LMBR1: variants seen among roughly 807,000 people sequenced by gnomAD.
LMBR1 encodes the protein limb development membrane protein 1.
Under a neutral mutation model 73.9 loss-of-function variants are expected in LMBR1, and 52 were observed. The observed-to-expected ratio is 0.70, with a 90% confidence interval of 0.56 to 0.89. The LOEUF (loss-of-function observed/expected upper bound fraction) is 0.89. Among genes scored for constraint, LMBR1 ranks in the 40% least tolerant of loss-of-function variants. The probability of loss-of-function intolerance (pLI) is 0.00; values close to 1 mark genes in which losing one functional copy is unlikely to be tolerated. For synonymous variants in LMBR1, 215 were observed against 209.4 expected, an observed-to-expected ratio of 1.03 and a Z score of -0.23; for missense variants, 539 against 579.8, an observed-to-expected ratio of 0.93 and a Z score of 0.72.
intron 1 of LMBR1, among the ~76,000 whole-genome samples, chr7:156,876,459 G>A (rs1235908945): frequency 6.6e-6 from 1 of 152,004 alleles, no homozygotes; most frequent in Non-Finnish European, 1.5e-5. Context: ...CTATACCCTG[G>A]AACAAATGGA....
At chr7:156,708,232 C>A (rs1195602917) in intron 15 of LMBR1, among the ~76,000 whole-genome samples, 2 of 152,020 alleles carry the variant, frequency 1.3e-5, no homozygotes, top group Non-Finnish European at 2.9e-5. Context: ...GTAGGATGTA[C>A]CAGGAAAACA....
At chr7:156,892,676 G>C (rs1195523372) in intron 1 of LMBR1, 1 of 346,186 alleles carries the variant, frequency 2.9e-6, no homozygotes, top group Non-Finnish European at 5.2e-6. Context: ...AGCGCGAGGG[G>C]GCAGGGGAGG....
At chr7:156,692,615 G>C (rs1389876900) in intron 15 of LMBR1, among the ~76,000 whole-genome samples, 4 of 152,154 alleles carry the variant, frequency 2.6e-5, no homozygotes, top group Admixed American at 2.6e-4. Flanking sequence ...AACAAGGTGG[G>C]CCCTATGATT....
chr7:156,881,244 A>T (rs1156304496), intron 1 of LMBR1, among the ~76,000 whole-genome samples: 2 of 152,240 alleles, frequency 1.3e-5, no homozygotes, highest in Non-Finnish European at 2.9e-5. Context: ...CAACGGGGAA[A>T]GAAAAATGTC....
At chr7:156,710,195 G>A (rs758612770) in intron 15 of LMBR1, among the ~76,000 whole-genome samples, 152 of 151,940 alleles carry the variant, frequency 1.0e-3, no homozygotes, top group Non-Finnish European at 1.9e-3. Flanking sequence ...ATGAGCCACC[G>A]TGCCCGGCCC....
At chr7:156,677,494 G>A (rs961997993), downstream of LMBR1, among the ~76,000 whole-genome samples, 11 of 152,144 alleles carry the variant, frequency 7.2e-5, no homozygotes. Context: ...GGAGGGGCAG[G>A]AGGACATTGT....
chr7:156,788,829 C>T (rs1275623982), intron 5 of LMBR1, among the ~76,000 whole-genome samples: 2 of 152,126 alleles, frequency 1.3e-5, no homozygotes, highest in Non-Finnish European at 2.9e-5. Context: ...AGGTGGATCA[C>T]CTGAGGTCAG....
At chr7:156,673,580 C>T (rs980530386), downstream of LMBR1, among the ~76,000 whole-genome samples, 4 of 152,168 alleles carry the variant, frequency 2.6e-5, no homozygotes, top group African/African-American at 7.2e-5. Context: ...ACCAGGCTTC[C>T]AAGTACGGCT....
At chr7:156,687,954 G>A in intron 16 of LMBR1, 76 bp downstream of exon 16, 1 of 1,315,478 alleles carries the variant, frequency 7.6e-7, no homozygotes. Flanking sequence ...CTAAATAGCT[G>A]AAGATGTAAT....
chr7:156,754,032 A>G (rs998435723), intron 9 of LMBR1, among the ~76,000 whole-genome samples: 1 of 152,184 alleles, frequency 6.6e-6, no homozygotes, highest in Non-Finnish European at 1.5e-5. Context: ...CATCTACACA[A>G]TATCTAGTGC....
At chr7:156,749,039 T>C (rs1445049472) in intron 9 of LMBR1, among the ~76,000 whole-genome samples, 1 of 152,210 alleles carries the variant, frequency 6.6e-6, no homozygotes, top group African/African-American at 2.4e-5. Context: ...TTTCTGACCA[T>C]TTCAGATCCT....
chr7:156,877,743 C>G (rs1209070122), intron 1 of LMBR1, among the ~76,000 whole-genome samples: 1 of 151,974 alleles, frequency 6.6e-6, no homozygotes, highest in East Asian at 1.9e-4. Flanking sequence ...ATTAGCTGGG[C>G]GCGGTGGCAG....
chr7:156,843,467 G>C (rs1009198236), intron 1 of LMBR1, among the ~76,000 whole-genome samples: 2 of 152,192 alleles, frequency 1.3e-5, no homozygotes, highest in Non-Finnish European at 2.9e-5. Flanking sequence ...GACCAAGGAA[G>C]CTGCAAGAAT....
intron 2 of LMBR1, among the ~76,000 whole-genome samples, chr7:156,835,737 A>G (rs1311455658): frequency 1.3e-5 from 2 of 151,802 alleles, no homozygotes; most frequent in African/African-American, 2.4e-5. Flanking sequence ...AGAATGTGTT[A>G]ATGTCTCCAT....
In LMBR1 at chr7:156,729,608, G is replaced by C. The variant is rs188118324; in HGVS notation, c.839-888C>G. ...CCTGCCTCAGCCTCCCAAGTAGCTG[G>C]GACTACAGGCACATGCCACCAAGCC... On this transcript the variant is annotated intron_variant, in intron 10 of 16. Transcript: ENST00000353442. 6.4e-3 allele frequency among the ~76,000 whole-genome samples: 966 copies of C among 151,962 alleles called. 10 individuals carry two copies. Among genetic ancestry groups the C allele is most frequent in the African/African-American group, 0.022 (926 of 41,444 alleles).
At chr7:156,888,880 C>G (rs1216468399) in intron 1 of LMBR1, among the ~76,000 whole-genome samples, 1 of 151,944 alleles carries the variant, frequency 6.6e-6, no homozygotes, top group African/African-American at 2.4e-5. Context: ...CATGGTGAAA[C>G]CCATCTCTAC....
At chr7:156,808,563 A>G (rs747686547) in intron 4 of LMBR1, among the ~76,000 whole-genome samples, 7 of 152,182 alleles carry the variant, frequency 4.6e-5, no homozygotes, top group Non-Finnish European at 8.8e-5. Flanking sequence ...TGTTTAGAAC[A>G]TTACATTTAA....
At chr7:156,799,251 G>A (rs2133413221) in intron 4 of LMBR1, among the ~76,000 whole-genome samples, 2 of 151,978 alleles carry the variant, frequency 1.3e-5, no homozygotes, top group East Asian at 3.9e-4. Context: ...AAAGCCGATT[G>A]CATGTTGCTG....
intron 15 of LMBR1, among the ~76,000 whole-genome samples, chr7:156,708,907 C>T (rs929448181): frequency 6.6e-6 from 1 of 152,112 alleles, no homozygotes; most frequent in Non-Finnish European, 1.5e-5. Flanking sequence ...TCCCCAACTT[C>T]CCTGGCAAAC....
Sources: allele counts gnomAD v4.1 joint callset (sites outside exome capture counted in the v4.1 genomes callset), GRCh38; gene constraint gnomAD v4.1.1; transcripts MANE v1.5; gene names NCBI Gene and HGNC (gene_info 2026-07-23, HGNC 2026-07-21).